CEP89: variants seen among roughly 807,000 people sequenced by gnomAD.
CEP89 encodes the protein centrosomal protein 89.
In CEP89, 95 loss-of-function variants were observed where a neutral mutation model predicts 97.6. The observed-to-expected ratio is 0.97, with a 90% confidence interval of 0.82 to 1.15. The LOEUF is 1.15. Among genes scored for constraint, CEP89 ranks in the 50% most tolerant of loss-of-function variants. The probability of loss-of-function intolerance (pLI) is 0.00; values close to 1 mark genes in which losing one functional copy is unlikely to be tolerated. For synonymous variants in CEP89, 354 were observed against 349.1 expected, an observed-to-expected ratio of 1.01 and a Z score of -0.16; for missense variants, 869 against 947.7, an observed-to-expected ratio of 0.92 and a Z score of 1.09.
intron 18 of CEP89, among the ~76,000 whole-genome samples, chr19:32,879,674 C>T (rs900574261): frequency 6.6e-6 from 1 of 152,206 alleles, no homozygotes; most frequent in Admixed American, 6.5e-5. Context: ...CTGCCCTTGA[C>T]TTTGGCGCCA....
At chr19:32,891,200 G>A (rs926791144) in intron 16 of CEP89, among the ~76,000 whole-genome samples, 3 of 152,144 alleles carry the variant, frequency 2.0e-5, no homozygotes, top group African/African-American at 7.2e-5. Flanking sequence ...CCCTGCGCAC[G>A]TGCATGTGCC....
At chr19:32,966,962 A>G (rs1410073255) in intron 1 of CEP89, among the ~76,000 whole-genome samples, 1 of 152,134 alleles carries the variant, frequency 6.6e-6, no homozygotes, top group Non-Finnish European at 1.5e-5. Flanking sequence ...AGTAGACGGG[A>G]CTACAGATGT....
rs141805289 is a variant in CEP89 at position 32,900,395 on chromosome 19, G to A, written c.1734-397C>T. ...TGAGTAGTTGGGATTAGAGGCATGC[G>A]CCACCACACGCAGCTAATTTTCTGT... On this transcript the variant is annotated intron_variant, in intron 15 of 18. Coordinates refer to ENST00000305768, the MANE Select transcript of CEP89 (RefSeq NM_032816.5). Among the ~76,000 whole-genome samples the A allele has an allele frequency of 3.7e-3, 557 of 151,812 alleles. 4 individuals carry two copies. The highest frequency in any genetic ancestry group is 0.013 in the African/African-American group (521 of 41,350).
chr19:32,966,208 T>C (rs543363197), intron 2 of CEP89, 152 bp downstream of exon 2: 3 of 420,096 alleles, frequency 7.1e-6, no homozygotes, highest in Non-Finnish European at 1.3e-5. Context: ...ACCATATTAA[T>C]TGCATCATTA....
At chr19:32,881,772 AG>A in intron 18 of CEP89, 71 bp downstream of exon 18, 1 of 1,403,596 alleles carries the variant, frequency 7.1e-7, no homozygotes, top group Non-Finnish European at 9.6e-7. Context: ...ACAGGCCCAG[AG>A]GGTTTTAGCA....
At position 32,933,616 on chromosome 19, in the gene CEP89, C is replaced by G. The variant is rs1192361013; in HGVS notation, c.721G>C (p.Glu241Gln). 6.2e-7 allele frequency: 1 copy of G among 1,613,626 alleles called. No homozygotes were observed. The highest frequency in any genetic ancestry group is 2.2e-5 in the East Asian group (1 of 44,862). The part of the protein sequence containing the change: ...RYTEITREKF[E>Q]ALKEENMDLN... The stretch of plus-strand genomic sequence containing the variant: ...TCCATATTTTCTTCTTTTAATGCCT[C>G]AAACTTTTCTCTGGTTATTTCTGTA... Residue 241 changes from glutamate to glutamine, a missense_variant, in exon 8 of 19, where the codon GAG (glutamate) becomes CAG (glutamine). Transcript: ENST00000305768.
intron 4 of CEP89, among the ~76,000 whole-genome samples, chr19:32,952,361 G>T (rs966405244): frequency 2.0e-5 from 3 of 149,814 alleles, no homozygotes; most frequent in Non-Finnish European, 3.0e-5. Context: ...CGTGCCTAAA[G>T]CCCCAGCTAC....
chr19:32,920,139 C>T (rs1032952261), intron 12 of CEP89, among the ~76,000 whole-genome samples: 9 of 152,084 alleles, frequency 5.9e-5, no homozygotes, highest in African/African-American at 2.2e-4. Context: ...CTGGGCTTAA[C>T]CGATCCTCCT....
intron 12 of CEP89, 75 bp downstream of exon 12, chr19:32,923,364 G>T: frequency 4.2e-6 from 3 of 714,768 alleles, no homozygotes; most frequent in Non-Finnish European, 2.4e-6. Context: ...TTATGTATTT[G>T]ATAATTTTAT....
intron 9 of CEP89, among the ~76,000 whole-genome samples, chr19:32,930,658 A>G (rs8111116): frequency 1.2e-3 from 185 of 152,122 alleles, no homozygotes; most frequent in Middle Eastern, 6.8e-3. Flanking sequence ...CACAGCCCCA[A>G]GTTCTGTAAG....
chr19:32,914,691 CTTTAA>C (rs1330588118), intron 14 of CEP89, among the ~76,000 whole-genome samples: 1 of 152,046 alleles, frequency 6.6e-6, no homozygotes, highest in African/African-American at 2.4e-5. Flanking sequence ...CCAGGCTCTA[CTTTAA>C]TTTACCATTT....
At chr19:32,952,319 G>GAAAA (rs11428227) in intron 4 of CEP89, among the ~76,000 whole-genome samples, 1 of 131,456 alleles carries the variant, frequency 7.6e-6, no homozygotes, top group Non-Finnish European at 1.6e-5. Flanking sequence ...TGGCCCTATA[G>GAAAA]AAAAAAAAAA....
chr19:32,920,674 C>T lies in CEP89; in HGVS notation c.1269-2335G>A, dbSNP rs571966731. Among the ~76,000 whole-genome samples the T allele has an allele frequency of 6.6e-5, 10 of 151,232 alleles. No homozygotes were observed. The South Asian group carries it at 1.9e-3, about 29-fold the overall frequency. On this transcript the variant is annotated intron_variant, in intron 12 of 18. Coordinates refer to ENST00000305768, the MANE Select transcript of CEP89 (RefSeq NM_032816.5). Reference sequence around the variant, plus strand: ...ATTTTTTATATTTTTAGTAGAGATGCGGTTTCACCATGTTAGCCACACTGG... The same window carrying T: ...ATTTTTTATATTTTTAGTAGAGATGTGGTTTCACCATGTTAGCCACACTGG...
chr19:32,954,023 C>T (rs746516585), intron 3 of CEP89, among the ~76,000 whole-genome samples: 4 of 151,962 alleles, frequency 2.6e-5, no homozygotes, highest in Admixed American at 6.6e-5. Context: ...TGCCCACCAC[C>T]GCGCCTGGCT....
Position 32,916,289 on chromosome 19 carries a change from AC to A in CEP89, c.1385-773del, listed in dbSNP as rs758930716. 3.3e-5 allele frequency among the ~76,000 whole-genome samples: 5 copies of A among 152,252 alleles called. No homozygotes were observed. In the East Asian group the frequency reaches 7.7e-4, roughly 24 times the overall value. The stretch of plus-strand genomic sequence containing the variant: ...CGAGACCTTGTCTCCAAAAACAAAA[AC>A]CAAAAAAGCCAAAAGAAATTACTAT... On this transcript the variant is annotated intron_variant, in intron 13 of 18. Transcript: ENST00000305768.
chr19:32,903,310 T>A (rs1434974076), intron 14 of CEP89, among the ~76,000 whole-genome samples: 1 of 151,792 alleles, frequency 6.6e-6, no homozygotes, highest in Non-Finnish European at 1.5e-5. Flanking sequence ...ATGTCTAACA[T>A]CCTGTAACAT....
chr19:32,951,534 T>TATATATATATATATATATATACACACAC (rs1407110112), intron 4 of CEP89, among the ~76,000 whole-genome samples: 1 of 122,042 alleles, frequency 8.2e-6, no homozygotes, highest in African/African-American at 3.4e-5. Context: ...TATATATATA[T>TATATATATATATATATATATACACACAC]ACACACACAC....
chr19:32,911,062 G>A (rs1192912707), intron 14 of CEP89, among the ~76,000 whole-genome samples: 2 of 152,198 alleles, frequency 1.3e-5, no homozygotes, highest in African/African-American at 4.8e-5. Context: ...AGTGCCGTAG[G>A]TTTGTTTACA....
chr19:32,948,705 T>G (rs1970849360), intron 4 of CEP89, among the ~76,000 whole-genome samples: 1 of 152,126 alleles, frequency 6.6e-6, no homozygotes, highest in Non-Finnish European at 1.5e-5. Context: ...ACCCTGGTAC[T>G]GACACCATGT....
Sources: gnomAD v4.1 joint callset for allele counts (sites outside exome capture counted in the v4.1 genomes callset) on GRCh38, gnomAD v4.1.1 for gene constraint, MANE v1.5 for transcripts, NCBI Gene and HGNC (gene_info 2026-07-23, HGNC 2026-07-21) for gene names.